CSMD1: variants seen among roughly 807,000 people sequenced by gnomAD.
The protein encoded by CSMD1 is CUB and Sushi multiple domains 1.
A neutral mutation model predicts 417.5 loss-of-function variants in CSMD1; 213 were observed. The observed-to-expected ratio is 0.51, with a 90% confidence interval of 0.46 to 0.57. The LOEUF (loss-of-function observed/expected upper bound fraction) is 0.57, where lower values mean the gene tolerates loss of function less well. Ranked by LOEUF, CSMD1 falls within the 20% of genes least tolerant of loss-of-function variation. CSMD1 has a pLI of 0.00. For synonymous variants in CSMD1, 2,862 were observed against 1,736.8 expected (o/e 1.65, Z -16.11); for missense variants, 6,923 against 4,529.7 (o/e 1.53, Z -15.17).
intron 5 of CSMD1, among the ~76,000 whole-genome samples, chr8:3,914,112 G>C (rs181963284): frequency 3.3e-4 from 51 of 152,254 alleles, no homozygotes; most frequent in African/African-American, 1.2e-3. Context: ...CTTGTCTTCA[G>C]CGTTAGAATT....
At chr8:4,296,850 T>G (rs1165840452) in intron 3 of CSMD1, among the ~76,000 whole-genome samples, 5 of 152,066 alleles carry the variant, frequency 3.3e-5, no homozygotes, top group Non-Finnish European at 7.4e-5. Context: ...GCCTGCTATC[T>G]CCCAGACTTG....
At chr8:4,945,329 T>C (rs1808296077) in intron 1 of CSMD1, among the ~76,000 whole-genome samples, 1 of 152,108 alleles carries the variant, frequency 6.6e-6, no homozygotes, top group Non-Finnish European at 1.5e-5. Context: ...ATGATGTGGT[T>C]GATTGCACAG....
At chr8:3,083,605 A>AATTT (rs1397737138) in intron 49 of CSMD1, among the ~76,000 whole-genome samples, 1 of 64,392 alleles carries the variant, frequency 1.6e-5, no homozygotes, top group African/African-American at 6.5e-5. Context: ...CAGTTACCAT[A>AATTT]ATTTTTATAT....
At chr8:4,739,143 TACAC>T (rs1214233369) in intron 1 of CSMD1, among the ~76,000 whole-genome samples, 2 of 152,180 alleles carry the variant, frequency 1.3e-5, no homozygotes, top group Non-Finnish European at 2.9e-5. Context: ...CACACACGCA[TACAC>T]ACACTTTACT....
chr8:4,420,481 C>T (rs566414965), intron 2 of CSMD1, among the ~76,000 whole-genome samples: 2 of 152,022 alleles, frequency 1.3e-5, no homozygotes, highest in Admixed American at 6.6e-5. Flanking sequence ...CCCATCACGT[C>T]GGTATGAAGC....
intron 3 of CSMD1, among the ~76,000 whole-genome samples, chr8:4,105,276 G>A (rs1312559295): frequency 1.3e-5 from 2 of 151,992 alleles, no homozygotes; most frequent in Non-Finnish European, 2.9e-5. Flanking sequence ...ACTGTAAGGT[G>A]GAATTTTCAT....
intron 4 of CSMD1, among the ~76,000 whole-genome samples, chr8:4,006,651 C>T (rs1816139529): frequency 6.6e-6 from 1 of 152,178 alleles, no homozygotes; most frequent in South Asian, 2.1e-4. Context: ...GGGAACAGCA[C>T]TTGTTTATGT....
At chr8:4,868,381 C>T (rs776926110) in intron 1 of CSMD1, among the ~76,000 whole-genome samples, 1 of 151,948 alleles carries the variant, frequency 6.6e-6, no homozygotes, top group Non-Finnish European at 1.5e-5. Context: ...ATGACAGGTG[C>T]ACACCACTAC....
At chr8:4,412,920 AG>A (rs1796727725) in intron 3 of CSMD1, among the ~76,000 whole-genome samples, 1 of 151,994 alleles carries the variant, frequency 6.6e-6, no homozygotes, top group Non-Finnish European at 1.5e-5. Context: ...ATCAGATAAA[AG>A]AAAAGTTGAC....
chr8:3,665,622 A>C lies in CSMD1; in HGVS notation c.1009+42792T>G, dbSNP rs570614104. On this transcript the variant is annotated intron_variant, in intron 7 of 69. Transcript: ENST00000635120. ...CAAGTAATTGACTCAGTAGGGTTCT[A>C]AATAATCCCTGAGAGAAATATTGAA... Among the ~76,000 whole-genome samples the C allele has an allele frequency of 7.7e-4, 117 of 152,332 alleles. 1 individual carries two copies. Among genetic ancestry groups the C allele is most frequent in the Admixed American group, 2.7e-3 (42 of 15,296 alleles).
chr8:3,054,410 G>C (rs1391291004), intron 49 of CSMD1, among the ~76,000 whole-genome samples: 4 of 152,158 alleles, frequency 2.6e-5, no homozygotes, highest in African/African-American at 9.7e-5. Context: ...TTGAGTCCAG[G>C]AGTTCTACAT....
intron 23 of CSMD1, among the ~76,000 whole-genome samples, chr8:3,314,911 G>T (rs966679828): frequency 6.6e-6 from 1 of 152,216 alleles, no homozygotes; most frequent in Non-Finnish European, 1.5e-5. Flanking sequence ...ACAGTAATGT[G>T]AGTTTTTTCA....
intron 2 of CSMD1, among the ~76,000 whole-genome samples, chr8:4,594,579 G>A (rs779015498): frequency 6.6e-6 from 1 of 151,998 alleles, no homozygotes; most frequent in Non-Finnish European, 1.5e-5. Flanking sequence ...TTTTTGGAGG[G>A]GGGCACAACT....
In CSMD1 at chr8:4,038,555, A is replaced by C. The variant is rs145936740; in HGVS notation, c.416-6456T>G. On this transcript the variant is annotated intron_variant, in intron 3 of 69. Coordinates refer to ENST00000635120, the MANE Select transcript of CSMD1 (RefSeq NM_033225.6). ...ACTGAATTTTAACCAGTTTGCCTGA[A>C]GATTATGCATGTCTCTTTGTGACTC... Among the ~76,000 whole-genome samples, 62 of 152,326 alleles carry C rather than the reference A, an allele frequency of 4.1e-4. 1 individual carries two copies. The highest frequency in any genetic ancestry group is 3.9e-3 in the South Asian group (19 of 4,828).
chr8:4,236,552 T>A (rs1057317317), intron 3 of CSMD1, among the ~76,000 whole-genome samples: 2 of 152,174 alleles, frequency 1.3e-5, no homozygotes, highest in East Asian at 3.8e-4. Flanking sequence ...TTAGAAAAAT[T>A]CAACGTGATA....
chr8:2,976,784 A>G (rs1804965533), intron 55 of CSMD1, among the ~76,000 whole-genome samples: 1 of 152,252 alleles, frequency 6.6e-6, no homozygotes, highest in African/African-American at 2.4e-5. Flanking sequence ...TATGATCTTA[A>G]GACATGATTC....
chr8:2,951,126 G>T lies in CSMD1; in HGVS notation c.10189C>A (p.Leu3397Met), dbSNP rs185826217. The change falls in exon 66 of 70, where the codon CTG (leucine) becomes ATG (methionine). Residue 3397 changes from leucine (L) to methionine (M), a missense_variant. Coordinates refer to ENST00000635120, the MANE Select transcript of CSMD1 (RefSeq NM_033225.6). Reference sequence around the variant, plus strand: ...CTTCGGGACCTACCTGTCAACTTCAGCTCCACTGGCGAGGCTTCGCTGAAG... The same window carrying T: ...CTTCGGGACCTACCTGTCAACTTCATCTCCACTGGCGAGGCTTCGCTGAAG... ...ATFSEASPVE[L>M]KLTGIYKKEE... 1 of 1,612,858 alleles carries T rather than the reference G, an allele frequency of 6.2e-7. No homozygotes were observed. Among genetic ancestry groups the T allele is most frequent in the Non-Finnish European group, 8.5e-7 (1 of 1,179,338 alleles).
chr8:3,706,078 C>A (rs890508738), intron 7 of CSMD1, among the ~76,000 whole-genome samples: 2 of 152,220 alleles, frequency 1.3e-5, no homozygotes, highest in Non-Finnish European at 1.5e-5. Context: ...CGCGCTGGAA[C>A]GTGGCCTGGC....
At chr8:3,940,721 G>C (rs1008692142) in intron 5 of CSMD1, among the ~76,000 whole-genome samples, 2 of 151,178 alleles carry the variant, frequency 1.3e-5, no homozygotes, top group African/African-American at 2.4e-5. Flanking sequence ...TTTCATACTA[G>C]CATTCATTTT....
Sources: allele counts gnomAD v4.1 joint callset (sites outside exome capture counted in the v4.1 genomes callset), GRCh38; gene constraint gnomAD v4.1.1; transcripts MANE v1.5; gene names NCBI Gene and HGNC (gene_info 2026-07-23, HGNC 2026-07-21).